The following CDKAL1 variants were observed in gnomAD, a reference collection of about 807,000 sequenced individuals.
The protein encoded by CDKAL1 is CDKAL1 threonylcarbamoyladenosine tRNA methylthiotransferase, also known as threonylcarbamoyladenosine tRNA methylthiotransferase.
A neutral mutation model predicts 68.2 loss-of-function variants in CDKAL1; 32 were observed. The observed-to-expected ratio is 0.47, with a 90% confidence interval of 0.35 to 0.63. The LOEUF (loss-of-function observed/expected upper bound fraction) is 0.63, where lower values mean the gene tolerates loss of function less well. CDKAL1 is among the 30% of genes least tolerant of loss of function. The pLI, the probability that CDKAL1 is intolerant of heterozygous loss-of-function variation, is 0.00. For missense variants in CDKAL1, 606 were observed against 696.7 expected (o/e 0.87, Z 1.47); for synonymous variants, 234 against 244.3 (o/e 0.96, Z 0.39).
intron 9 of CDKAL1, among the ~76,000 whole-genome samples, chr6:20,924,212 TAG>T (rs1385972376): frequency 7.0e-5 from 10 of 142,868 alleles, no homozygotes; most frequent in South Asian, 6.8e-4. Context: ...GTGGTCTAGA[TAG>T]AGTTAGCCAG....
intron 4 of CDKAL1, among the ~76,000 whole-genome samples, chr6:20,617,572 T>G (rs1267192423): frequency 6.6e-6 from 1 of 152,132 alleles, no homozygotes; most frequent in Non-Finnish European, 1.5e-5. Flanking sequence ...CCCCCTGTCC[T>G]CCACCCCATG....
chr6:21,052,537 GTTTTTTT>G (rs66607398), intron 11 of CDKAL1, among the ~76,000 whole-genome samples: 2 of 128,408 alleles, frequency 1.6e-5, no homozygotes, highest in Non-Finnish European at 3.2e-5. Flanking sequence ...TTAATTGGTT[GTTTTTTT>G]TTTTTTTTTG....
At chr6:20,786,238 TAAAAC>T (rs1376091655) in intron 8 of CDKAL1, among the ~76,000 whole-genome samples, 1 of 151,938 alleles carries the variant, frequency 6.6e-6, no homozygotes, top group Non-Finnish European at 1.5e-5. Flanking sequence ...ATAAATAAAA[TAAAAC>T]AAAACATAAA....
At chr6:20,604,868 A>T (rs1444545419) in intron 4 of CDKAL1, among the ~76,000 whole-genome samples, 1 of 152,212 alleles carries the variant, frequency 6.6e-6, no homozygotes, top group Non-Finnish European at 1.5e-5. Context: ...TACACCTAGT[A>T]ACTCACTTGC....
chr6:21,174,066 A>G (rs1301380946), intron 13 of CDKAL1, among the ~76,000 whole-genome samples: 1 of 152,234 alleles, frequency 6.6e-6, no homozygotes, highest in Non-Finnish European at 1.5e-5. Flanking sequence ...AGAAAAAAAG[A>G]GAGATCCTGT....
In CDKAL1 at chr6:21,051,268, G is replaced by A. The variant is rs188859837; in HGVS notation, c.1056-13780G>A. Among the ~76,000 whole-genome samples the A allele has an allele frequency of 2.5e-4, 38 of 152,296 alleles. No homozygotes were observed. In the East Asian group the frequency reaches 7.3e-3, roughly 29 times the overall value. On this transcript the variant is annotated intron_variant, in intron 11 of 15. Coordinates refer to ENST00000274695, the MANE Select transcript of CDKAL1 (RefSeq NM_017774.3). ...GCTACTTTGTAGTCCCAGCTACTTG[G>A]GAGGCTGAGGCAGGAGGATCATTTG...
rs764690585 is a variant in CDKAL1, at chr6:20,546,459, A to G, written c.109A>G (p.Lys37Glu). Residue 37 changes from lysine (K) to glutamate (E), a missense_variant, in exon 3 of 16, where the codon AAG becomes GAG. By Grantham distance (56) the Lys-to-Glu change is moderately conservative (BLOSUM62 1). Transcript: ENST00000274695. Reference sequence around the variant, plus strand: ...TTTTGTAAGAAAGGATGTTGTCCCGAAGGTACGAAGGCGAAATACCCAAAA... The same window carrying G: ...TTTTGTAAGAAAGGATGTTGTCCCGGAGGTACGAAGGCGAAATACCCAAAA... ...RHFVRKDVVP[K>E]VRRRNTQKYL... 1 of 1,614,202 alleles carries G rather than the reference A, an allele frequency of 6.2e-7. No individual in the cohort carries two copies. Among genetic ancestry groups the G allele is most frequent in the Non-Finnish European group, 8.5e-7 (1 of 1,180,016 alleles).
intron 15 of CDKAL1, among the ~76,000 whole-genome samples, chr6:21,229,972 C>T (rs35571136): frequency 0.1 from 15,265 of 152,166 alleles, 1,025 homozygotes; most frequent in Non-Finnish European, 0.15. Context: ...GGTTTCCCAA[C>T]CTGTTCTCTA....
rs556057619 is a variant in CDKAL1, at chr6:21,211,824, T to G, written c.1548+10550T>G. On this transcript the variant is annotated intron_variant, in intron 15 of 15. Transcript: ENST00000274695. ...GGCTCTGGAGTGCAGTGGTGCAATC[T>G]TGGCTGACTTGTAGTCTCTACTTCC... Among the ~76,000 whole-genome samples, 167 of 152,340 alleles carry G rather than the reference T, an allele frequency of 1.1e-3. 1 individual carries two copies. The highest frequency in any genetic ancestry group is 6.8e-3 in the Middle Eastern group (2 of 294).
intron 9 of CDKAL1, among the ~76,000 whole-genome samples, chr6:20,851,520 T>C (rs1308455263): frequency 1.3e-5 from 2 of 152,158 alleles, no homozygotes; most frequent in Non-Finnish European, 2.9e-5. Context: ...GCTGTTTTTA[T>C]AGCTATCGTG....
intron 4 of CDKAL1, among the ~76,000 whole-genome samples, chr6:20,614,903 A>G (rs559512102): frequency 2.0e-4 from 29 of 145,890 alleles, no homozygotes; most frequent in Non-Finnish European, 3.5e-4. Flanking sequence ...AGCATTAGGT[A>G]TATCTCCCAG....
intron 5 of CDKAL1, among the ~76,000 whole-genome samples, chr6:20,734,335 T>G (rs1773091550): frequency 6.6e-6 from 1 of 152,082 alleles, no homozygotes; most frequent in South Asian, 2.1e-4. Context: ...TTATATTAAA[T>G]TTATATTGTT....
chr6:20,666,622 C>G (rs1769556928), intron 5 of CDKAL1, among the ~76,000 whole-genome samples: 1 of 151,436 alleles, frequency 6.6e-6, no homozygotes, highest in East Asian at 1.9e-4. Flanking sequence ...CTGGAATCTA[C>G]TTACATAGAT....
chr6:21,035,687 A>G (rs1769538544), intron 11 of CDKAL1, among the ~76,000 whole-genome samples: 1 of 152,122 alleles, frequency 6.6e-6, no homozygotes, highest in Admixed American at 6.6e-5. Flanking sequence ...TTGAAGTTCA[A>G]AGTTTAGTGT....
chr6:21,010,362 T>C (rs1472772695), intron 11 of CDKAL1, among the ~76,000 whole-genome samples: 4 of 152,202 alleles, frequency 2.6e-5, no homozygotes, highest in Non-Finnish European at 4.4e-5. Flanking sequence ...TCAAAAACTT[T>C]AAGCCCTCAT....
intron 9 of CDKAL1, among the ~76,000 whole-genome samples, chr6:20,879,869 CTTGCAGTCAA>C (rs1760723417): frequency 6.6e-6 from 1 of 152,162 alleles, no homozygotes; most frequent in Non-Finnish European, 1.5e-5. Flanking sequence ...AGAGCCTTTT[CTTGCAGTCAA>C]TTAAAGGTTC....
At chr6:21,080,283 G>C (rs1422954093) in intron 12 of CDKAL1, among the ~76,000 whole-genome samples, 1 of 152,110 alleles carries the variant, frequency 6.6e-6, no homozygotes, top group Non-Finnish European at 1.5e-5. Flanking sequence ...ATCTGAAATA[G>C]AGAATCTAAC....
intron 4 of CDKAL1, among the ~76,000 whole-genome samples, chr6:20,604,675 A>G: frequency 6.6e-6 from 1 of 152,222 alleles, no homozygotes; most frequent in East Asian, 1.9e-4. Flanking sequence ...GAAAGTGGCT[A>G]GCCTAATTGA....
intron 10 of CDKAL1, among the ~76,000 whole-genome samples, chr6:20,997,544 G>T (rs1232092913): frequency 6.6e-6 from 1 of 151,728 alleles, no homozygotes; most frequent in Non-Finnish European, 1.5e-5. Flanking sequence ...GGGGTGGCGG[G>T]GGGAGGGGGA....
Sources: allele counts gnomAD v4.1 joint callset (sites outside exome capture counted in the v4.1 genomes callset), GRCh38; gene constraint gnomAD v4.1.1; transcripts MANE v1.5; gene names NCBI Gene and HGNC (gene_info 2026-07-23, HGNC 2026-07-21).